Variants in TTLL6 observed in about 807,000 individuals in gnomAD.
TTLL6 encodes the protein tubulin tyrosine ligase like 6, also known as tubulin polyglutamylase TTLL6.
TTLL6 carries 75 observed loss-of-function variants against 96.4 expected under a neutral mutation model. The observed-to-expected ratio is 0.78, with a 90% confidence interval of 0.65 to 0.94. TTLL6 has a LOEUF of 0.94. TTLL6 is among the 40% of genes least tolerant of loss of function. The pLI, the probability that TTLL6 is intolerant of heterozygous loss-of-function variation, is 0.00. For synonymous variants in TTLL6, 411 were observed against 419.4 expected (o/e 0.98, Z 0.24); for missense variants, 1,030 against 1,093.0 (o/e 0.94, Z 0.81).
intron 8 of TTLL6, among the ~76,000 whole-genome samples, chr17:48,795,520 T>C (rs1349405062): frequency 1.6e-4 from 25 of 151,932 alleles, no homozygotes; most frequent in Admixed American, 1.6e-3. Context: ...GATTAGACAA[T>C]AACAGGAATG....
At chr17:48,794,676 C>G (rs1331968637) in intron 8 of TTLL6, among the ~76,000 whole-genome samples, 1 of 152,178 alleles carries the variant, frequency 6.6e-6, no homozygotes, top group Non-Finnish European at 1.5e-5. Flanking sequence ...TGCCTCCCAC[C>G]AGCCTTCCAC....
intron 13 of TTLL6, among the ~76,000 whole-genome samples, chr17:48,772,864 G>C (rs1403072656): frequency 6.6e-6 from 1 of 151,986 alleles, no homozygotes; most frequent in African/African-American, 2.4e-5. Flanking sequence ...GATTAGCCAA[G>C]CATGGTGGCA....
intron 13 of TTLL6, among the ~76,000 whole-genome samples, chr17:48,774,095 A>T (rs4793986): frequency 9.1e-6 from 1 of 110,082 alleles, no homozygotes; most frequent in East Asian, 2.4e-4. Flanking sequence ...AAAAAACAAA[A>T]CAAAAAAAAA....
At chr17:48,764,840 C>T (rs1229074323) in intron 15 of TTLL6, among the ~76,000 whole-genome samples, 3 of 152,132 alleles carry the variant, frequency 2.0e-5, no homozygotes, top group Non-Finnish European at 2.9e-5. Context: ...GTTCTGAGAT[C>T]TGGTGACCCC....
At chr17:48,796,222 G>A in intron 7 of TTLL6, 76 bp from the exon 8 acceptor site, 1 of 1,158,836 alleles carries the variant, frequency 8.6e-7, no homozygotes, top group Non-Finnish European at 1.2e-6. Flanking sequence ...GCCCTCCCAT[G>A]GCCCCTGGGG....
chr17:48,808,589 G>A (rs1021720134), intron 1 of TTLL6, among the ~76,000 whole-genome samples: 34 of 152,106 alleles, frequency 2.2e-4, no homozygotes, highest in African/African-American at 8.0e-4. Context: ...TGTTTTTTGA[G>A]ATGGTGTCTC....
chr17:48,774,096 C>CAAAAAAAAAAAA (rs1286139436), intron 13 of TTLL6, among the ~76,000 whole-genome samples: 1 of 44,250 alleles, frequency 2.3e-5, no homozygotes, highest in African/African-American at 7.8e-5. Flanking sequence ...AAAAACAAAA[C>CAAAAAAAAAAAA]AAAAAAAAAA....
intron 1 of TTLL6, among the ~76,000 whole-genome samples, chr17:48,813,283 C>T (rs1351673463): frequency 6.6e-6 from 1 of 152,158 alleles, no homozygotes; most frequent in Non-Finnish European, 1.5e-5. Context: ...GGGACAGGCA[C>T]GATGGCTCAT....
chr17:48,797,649 C>T lies in TTLL6; in HGVS notation c.769-445G>A, dbSNP rs9896464. ...TAAAAATACAAAAATTTGCCAGGCG[C>T]GGTGGTGGGCCCCTGTAATCCCAGC... On this transcript the variant is annotated intron_variant, in intron 6 of 15. Coordinates refer to ENST00000393382, the MANE Select transcript of TTLL6 (RefSeq NM_001130918.3). Among the ~76,000 whole-genome samples, 330 of 151,568 alleles carry T rather than the reference C, an allele frequency of 2.2e-3. 1 individual carries two copies. The highest frequency in any genetic ancestry group is 7.8e-3 in the African/African-American group (320 of 41,290).
At position 48,791,412 on chromosome 17, in the gene TTLL6, A is replaced by G; in HGVS notation, c.1190T>C (p.Leu397Ser). The change falls in exon 9 of 16, where the codon TTG becomes TCG. Residue 397 changes from leucine to serine, a missense_variant. Leu to Ser is a moderately radical substitution (Grantham distance 145, BLOSUM62 -2). Transcript: ENST00000393382. ...CCAGGGTTTGAGTTTGTGGTCCAAC[A>G]AAATGTCAAAGCCCAGGATCTCAAA... is the stretch of plus-strand genomic sequence containing the variant. ...ACFEILGFDI[L>S]LDHKLKPWLL... The G allele has an allele frequency of 6.2e-7, 1 of 1,614,214 alleles. No individual in the cohort carries two copies. The highest frequency in any genetic ancestry group is 1.1e-5 in the South Asian group (1 of 91,084).
chr17:48,766,499 A>G (rs535066375), intron 15 of TTLL6, among the ~76,000 whole-genome samples: 2 of 152,280 alleles, frequency 1.3e-5, no homozygotes, highest in African/African-American at 2.4e-5. Context: ...GCTTCTGATC[A>G]TTATTATTTC....
At chr17:48,791,830 G>A (rs1376588097) in intron 8 of TTLL6, among the ~76,000 whole-genome samples, 1 of 152,212 alleles carries the variant, frequency 6.6e-6, no homozygotes, top group African/African-American at 2.4e-5. Flanking sequence ...GGGTGCAGAT[G>A]CAGTCACATA....
chr17:48,813,420 G>T (rs1212748258), intron 1 of TTLL6, among the ~76,000 whole-genome samples: 1 of 152,124 alleles, frequency 6.6e-6, no homozygotes, highest in Non-Finnish European at 1.5e-5. Flanking sequence ...TAAGCCAGGT[G>T]TGGTGGCGTG....
At chr17:48,785,227 A>T (rs760246693) in intron 12 of TTLL6, 26 bp from the exon 13 acceptor site, 1 of 1,613,750 alleles carries the variant, frequency 6.2e-7, no homozygotes, top group East Asian at 2.2e-5. Context: ...ACCACAACAC[A>T]CAGCCATGGG....
intron 1 of TTLL6, chr17:48,815,694 A>G (rs2039658511): frequency 6.6e-6 from 1 of 152,232 alleles, no homozygotes; most frequent in African/African-American, 2.4e-5. Context: ...AAAGGGTCCT[A>G]AGCAAAATGT....
At position 48,791,504 on chromosome 17, in the gene TTLL6, C is replaced by G. The variant is rs377472808; in HGVS notation, c.1098G>C (p.Ser366=). 1 of 1,613,948 alleles carries G rather than the reference C, an allele frequency of 6.2e-7. No individual in the cohort carries two copies. Among genetic ancestry groups the G allele is most frequent in the African/African-American group, 1.3e-5 (1 of 74,884 alleles). The part of the protein sequence containing the change: ...IEDVIIKTLI[S]AHPIIRHNYH... ...AGTTATGCCTGATGATGGGGTGGGC[C>G]GAGATGAGGGTCTTGATGATGACGT... Residue 366 remains serine, a synonymous_variant, in exon 9 of 16, where the codon TCG becomes TCC. Transcript: ENST00000393382.
chr17:48,815,555 T>C (rs965504698), intron 1 of TTLL6, among the ~76,000 whole-genome samples: 1 of 152,204 alleles, frequency 6.6e-6, no homozygotes, highest in Non-Finnish European at 1.5e-5. Flanking sequence ...ACAGGACCAC[T>C]AGGAGGATAA....
Position 48,787,807 on chromosome 17 carries a change from C to A in TTLL6, c.1589+4G>T. The A allele has an allele frequency of 2.5e-6, 4 of 1,612,912 alleles. No homozygotes were observed. Among genetic ancestry groups the A allele is most frequent in the Non-Finnish European group, 2.5e-6 (3 of 1,179,244 alleles). ...CACCGACCTCATCCCGGATGTCTTC[C>A]TACCGGGCATACTCCTCCCGAGCCC... is the stretch of plus-strand genomic sequence containing the variant. On this transcript the variant is annotated splice_donor_region_variant and intron_variant, in intron 11 of 15. Coordinates refer to ENST00000393382, the MANE Select transcript of TTLL6 (RefSeq NM_001130918.3).
intron 11 of TTLL6, among the ~76,000 whole-genome samples, chr17:48,786,770 G>GC (rs1392337892): frequency 6.6e-6 from 1 of 151,330 alleles, no homozygotes; most frequent in Non-Finnish European, 1.5e-5. Flanking sequence ...ACATAATATA[G>GC]CAGAAATAAC....
Sources: gnomAD v4.1 joint callset for allele counts (sites outside exome capture counted in the v4.1 genomes callset) on GRCh38, gnomAD v4.1.1 for gene constraint, MANE v1.5 for transcripts, NCBI Gene and HGNC (gene_info 2026-07-23, HGNC 2026-07-21) for gene names.